Variants in IGSF3 observed in about 807,000 individuals in gnomAD.
The protein encoded by IGSF3 is glu-Trp-Ile EWI motif-containing protein 3.
In IGSF3, 23 loss-of-function variants were observed where a neutral mutation model predicts 114.4. The observed-to-expected ratio is 0.20, with a 90% confidence interval of 0.14 to 0.28. IGSF3 has a LOEUF of 0.28. Ranked by LOEUF, IGSF3 falls within the 10% of genes least tolerant of loss-of-function variation. The probability of loss-of-function intolerance (pLI) is 1.00; values close to 1 mark genes in which losing one functional copy is unlikely to be tolerated. For missense variants in IGSF3, 1,172 were observed against 1,591.5 expected, an observed-to-expected ratio of 0.74 and a Z score of 4.48; for synonymous variants, 571 against 645.2, an observed-to-expected ratio of 0.88 and a Z score of 1.74.
rs1002205261 is a variant in IGSF3, at chr1:116,664,574, G to C, written c.43+1710C>G. On this transcript the variant is annotated intron_variant, in intron 2 of 10. Coordinates refer to ENST00000369486, the MANE Select transcript of IGSF3 (RefSeq NM_001007237.3). The surrounding 1 kb of genome is among the most constrained non-coding windows in gnomAD (Gnocchi z 4.6). ...CAAGGGCTTTCCTTGTTTGTGTCCTGTTGAATCCACATGAATCACTAATTG... is the reference window on the plus strand; with the variant it reads ...CAAGGGCTTTCCTTGTTTGTGTCCTCTTGAATCCACATGAATCACTAATTG... Among the ~76,000 whole-genome samples, 1 of 152,134 alleles carries C rather than the reference G, an allele frequency of 6.6e-6. No individual in the cohort carries two copies. Among genetic ancestry groups the C allele is most frequent in the African/African-American group, 2.4e-5 (1 of 41,418 alleles).
At position 116,634,781 on chromosome 1, in the gene IGSF3, AC is replaced by A. The variant is rs1221760801; in HGVS notation, c.44-18325del. ...GCTCTGGTAGAAGTGACACTCTGTG[AC>A]CTTAAGGCTAGGTCACAAACAGGGA... On this transcript the variant is annotated intron_variant, in intron 2 of 10. Transcript: ENST00000369486. The surrounding 1 kb of genome is among the most constrained non-coding windows in gnomAD (Gnocchi z 4.2). Among the ~76,000 whole-genome samples, 32 of 152,086 alleles carry A rather than the reference AC, an allele frequency of 2.1e-4. No individual in the cohort carries two copies. The highest frequency in any genetic ancestry group is 7.7e-4 in the African/African-American group (32 of 41,502).
Position 116,661,208 on chromosome 1 carries a change from G to A in IGSF3, c.43+5076C>T, listed in dbSNP as rs765839961. 9.9e-5 allele frequency among the ~76,000 whole-genome samples: 15 copies of A among 152,250 alleles called. No individual in the cohort carries two copies. The highest frequency in any genetic ancestry group is 1.5e-4 in the Non-Finnish European group (10 of 68,020). ...CTCGGGAGGCTGAGGCAGGAGAATC[G>A]CGTGAACCCAGCAGGCGGAGGTTAC... is the stretch of plus-strand genomic sequence containing the variant. On this transcript the variant is annotated intron_variant, in intron 2 of 10. Transcript: ENST00000369486. The surrounding 1 kb of genome is among the most constrained non-coding windows in gnomAD (Gnocchi z 4.0).
intron 2 of IGSF3, among the ~76,000 whole-genome samples, chr1:116,656,031 C>T (rs1403983233): frequency 6.6e-6 from 1 of 152,026 alleles, no homozygotes; most frequent in African/African-American, 2.4e-5. Context: ...CAGCTTCAAC[C>T]AGCTATAAAA....
intron 2 of IGSF3, among the ~76,000 whole-genome samples, chr1:116,626,219 C>G (rs915176119): frequency 2.0e-5 from 3 of 151,952 alleles, no homozygotes; most frequent in Non-Finnish European, 4.4e-5. Context: ...GAGATTAGCA[C>G]TACTGTGATT....
intron 7 of IGSF3, among the ~76,000 whole-genome samples, chr1:116,597,331 C>T (rs1660384764): frequency 6.6e-6 from 1 of 152,226 alleles, no homozygotes; most frequent in Admixed American, 6.5e-5. Context: ...AAAATGAATG[C>T]ACCAGCACCA....
At chr1:116,611,014 G>T (rs1444240348) in intron 4 of IGSF3, among the ~76,000 whole-genome samples, 1 of 152,178 alleles carries the variant, frequency 6.6e-6, no homozygotes, top group African/African-American at 2.4e-5. Context: ...CTAGCCCCTG[G>T]ACTTCTAGAC....
chr1:116,606,207 A>G (rs1334900421), intron 5 of IGSF3, among the ~76,000 whole-genome samples: 2 of 152,270 alleles, frequency 1.3e-5, no homozygotes, highest in Non-Finnish European at 2.9e-5. Flanking sequence ...GCACAGGCTA[A>G]GCGCAGGGCG....
At chr1:116,613,683 G>T (rs1237476687) in intron 4 of IGSF3, 82 bp downstream of exon 4, 15 of 1,327,482 alleles carry the variant, frequency 1.1e-5, no homozygotes, top group Non-Finnish European at 1.6e-5. Flanking sequence ...GGTGCCCAAA[G>T]AAGGAGTCTC....
At chr1:116,599,221 C>T (rs775869715) in intron 7 of IGSF3, among the ~76,000 whole-genome samples, 1 of 152,138 alleles carries the variant, frequency 6.6e-6, no homozygotes, top group Non-Finnish European at 1.5e-5. Context: ...GTGCCTATTA[C>T]CCTCCCTCTT....
intron 4 of IGSF3, among the ~76,000 whole-genome samples, chr1:116,608,560 G>A (rs956210767): frequency 3.9e-5 from 6 of 152,088 alleles, no homozygotes; most frequent in Non-Finnish European, 7.3e-5. Flanking sequence ...CAGCCCAGAC[G>A]GTCTAAGCAA....
At position 116,612,259 on chromosome 1, in the gene IGSF3, T is replaced by C. The variant is rs1348928066; in HGVS notation, c.832+1506A>G. 2.0e-5 allele frequency among the ~76,000 whole-genome samples: 3 copies of C among 152,200 alleles called. No individual in the cohort carries two copies. The highest frequency in any genetic ancestry group is 4.4e-5 in the Non-Finnish European group (3 of 68,032). ...AAAGCCCCTTGGATAGATTTTTTAA[T>C]ATTGAAAGATCCAGAAGCTGCTAAA... On this transcript the variant is annotated intron_variant, in intron 4 of 10. Coordinates refer to ENST00000369486, the MANE Select transcript of IGSF3 (RefSeq NM_001007237.3). This position sits in a 1 kb window ranked among gnomAD's most constrained non-coding sequence, Gnocchi z 4.1.
At chr1:116,602,300 T>C (rs1319293260) in intron 6 of IGSF3, among the ~76,000 whole-genome samples, 1 of 151,620 alleles carries the variant, frequency 6.6e-6, no homozygotes, top group African/African-American at 2.4e-5. Context: ...AAATTACTTC[T>C]AGAGAAACAA....
chr1:116,641,712 G>A (rs1648111844), intron 2 of IGSF3, among the ~76,000 whole-genome samples: 2 of 151,836 alleles, frequency 1.3e-5, no homozygotes, highest in South Asian at 4.1e-4. Context: ...AGACCAGGAA[G>A]GGAAGCCAGG....
Position 116,633,008 on chromosome 1 carries a change from A to T in IGSF3, c.44-16551T>A, listed in dbSNP as rs1647663080. Among the ~76,000 whole-genome samples the T allele has an allele frequency of 6.6e-6, 1 of 152,244 alleles. No homozygotes were observed. Among genetic ancestry groups the T allele is most frequent in the African/African-American group, 2.4e-5 (1 of 41,466 alleles). ...CATTGTAAAGTGACGAATTTTGTGG[A>T]CACTTACAGAGAAAAAAATAGCTTC... On this transcript the variant is annotated intron_variant, in intron 2 of 10. Coordinates refer to ENST00000369486, the MANE Select transcript of IGSF3 (RefSeq NM_001007237.3). This position sits in a 1 kb window ranked among gnomAD's most constrained non-coding sequence, Gnocchi z 4.3.
rs1010103805 is a variant in IGSF3 at position 116,584,860 on chromosome 1, T to G, written c.2633A>C (p.Tyr878Ser). The change falls in exon 9 of 11, where the codon TAT (tyrosine) becomes TCT (serine). Residue 878 changes from tyrosine (Y) to serine (S), a missense_variant. Tyr to Ser is a moderately radical substitution (Grantham distance 144, BLOSUM62 -2). Coordinates refer to ENST00000369486, the MANE Select transcript of IGSF3 (RefSeq NM_001007237.3). The surrounding 1 kb of genome is among the most constrained non-coding windows in gnomAD (Gnocchi z 5.8). ...ATTGTTCTTGGCTGCCTGCTCTCCA[T>G]AGTGGAAGGTGGCGTCACGGCTCAA... Reference protein sequence around the residue: ...ARLSRDATFHYGEQAAKNNLK... With the variant: ...ARLSRDATFHSGEQAAKNNLK... The G allele has an allele frequency of 3.7e-6, 6 of 1,614,082 alleles. No individual in the cohort carries two copies. In the African/African-American group the frequency reaches 6.7e-5, roughly 18 times the overall value.
intron 5 of IGSF3, chr1:116,606,374 G>A (rs1489639325): frequency 3.9e-5 from 54 of 1,373,898 alleles, no homozygotes; most frequent in South Asian, 1.2e-4. Context: ...AGGTGGGAGC[G>A]GAGAAGGAGA....
chr1:116,600,212 C>A lies in IGSF3; in HGVS notation c.1758G>T (p.Pro586=). The part of the protein sequence containing the change: ...VPVSVTWRFQ[P]VGTVEFHDLV... ...AGTCATGGAACTCCACCGTGCCCAC[C>A]GGCTGGAACCGCCATGTCACCGACA... The change falls in exon 7 of 11, where the codon CCG becomes CCT. Residue 586 remains proline (P), a synonymous_variant. Transcript: ENST00000369486. This position sits in a 1 kb window ranked among gnomAD's most constrained non-coding sequence, Gnocchi z 5.5. 6.2e-7 allele frequency: 1 copy of A among 1,614,066 alleles called. No individual in the cohort carries two copies. The highest frequency in any genetic ancestry group is 1.3e-5 in the African/African-American group (1 of 75,062).
chr1:116,584,523 A>T lies in IGSF3; in HGVS notation c.2848+122T>A. ...TTTGAATATAAATGCATATACATGTAGACACTCATATATTTAACTGCAAAT... is the reference window on the plus strand; with the variant it reads ...TTTGAATATAAATGCATATACATGTTGACACTCATATATTTAACTGCAAAT... On this transcript the variant is annotated intron_variant, in intron 9 of 10. Transcript: ENST00000369486. This position sits in a 1 kb window ranked among gnomAD's most constrained non-coding sequence, Gnocchi z 5.8. 2 of 954,812 alleles carry T rather than the reference A, an allele frequency of 2.1e-6. No homozygotes were observed. The highest frequency in any genetic ancestry group is 3.2e-6 in the Non-Finnish European group (2 of 627,600). 59.1% of individuals were successfully genotyped at this position (954,812 alleles called of 1,614,324 possible). A position where few individuals can be genotyped will look rare whatever the true frequency, so the allele number is the denominator to read the frequency against.
rs1379822669 is a variant in IGSF3 at position 116,608,379 on chromosome 1, C to G, written c.833-48G>C. 3.5e-6 allele frequency: 5 copies of G among 1,436,106 alleles called. No homozygotes were observed. The African/African-American group carries it at 5.7e-5, about 16-fold the overall frequency. The allele number at this position is 1,436,106 out of a possible 1,614,324, so 89.0% of individuals were successfully genotyped here. On this transcript the variant is annotated intron_variant, in intron 4 of 10. Transcript: ENST00000369486. The stretch of plus-strand genomic sequence containing the variant: ...AGACACATCCTGGGTGAATGAGGGC[C>G]CCAGCCAACTAAACCACATTAGCAC...
Sources: gnomAD v4.1 joint callset for allele counts (sites outside exome capture counted in the v4.1 genomes callset) on GRCh38, gnomAD v4.1.1 for gene constraint, Gnocchi (gnomAD v3.1) non-coding constraint, MANE v1.5 for transcripts, NCBI Gene and HGNC (gene_info 2026-07-23, HGNC 2026-07-21) for gene names.